The following RALGPS2 variants were observed in gnomAD, a reference collection of about 807,000 sequenced individuals.
RALGPS2 encodes ras-specific guanine nucleotide-releasing factor RalGPS2.
RALGPS2 carries 43 observed loss-of-function variants against 86.8 expected under a neutral mutation model. The ratio of observed to expected loss-of-function variants is 0.50; its 90% CI spans 0.39 to 0.64. The LOEUF is 0.64. RALGPS2 is among the 30% of genes least tolerant of loss of function. The pLI is 0.00. For missense variants in RALGPS2, 536 were observed against 694.6 expected (o/e 0.77, Z 2.57); for synonymous variants, 243 against 231.3 (o/e 1.05, Z -0.46).
chr1:178,736,623 T>C (rs112808106), intron 1 of RALGPS2, among the ~76,000 whole-genome samples: 6,253 of 152,194 alleles, frequency 0.041, 169 homozygotes, highest in African/African-American at 0.071. Flanking sequence ...TAGAGTCAGG[T>C]GCGGTGGCTC....
chr1:178,908,168 A>C (rs1660466681), intron 19 of RALGPS2, among the ~76,000 whole-genome samples: 1 of 152,114 alleles, frequency 6.6e-6, no homozygotes, highest in South Asian at 2.1e-4. Flanking sequence ...CCTCCCACTT[A>C]CAAGTGAGAA....
At chr1:178,763,345 A>G (rs1335164448) in intron 1 of RALGPS2, among the ~76,000 whole-genome samples, 3 of 152,220 alleles carry the variant, frequency 2.0e-5, no homozygotes, top group Non-Finnish European at 4.4e-5. Flanking sequence ...GAGGTTCCAC[A>G]TGAATTTTAA....
chr1:178,906,963 A>G (rs1660410817), intron 19 of RALGPS2, 96 bp downstream of exon 19: 3 of 1,063,662 alleles, frequency 2.8e-6, no homozygotes, highest in Non-Finnish European at 4.2e-6. Flanking sequence ...TGAATTAACT[A>G]GGAGAATGGT....
chr1:178,772,319 A>T (rs1423372996), intron 1 of RALGPS2, among the ~76,000 whole-genome samples: 1 of 152,190 alleles, frequency 6.6e-6, no homozygotes, highest in Non-Finnish European at 1.5e-5. Context: ...CATCTGGCCA[A>T]AATACCTCAT....
intron 8 of RALGPS2, among the ~76,000 whole-genome samples, chr1:178,871,554 A>G (rs530323810): frequency 5.9e-5 from 9 of 152,330 alleles, no homozygotes; most frequent in African/African-American, 2.2e-4. Flanking sequence ...TAAACTTACA[A>G]GAAACTTGAT....
intron 1 of RALGPS2, among the ~76,000 whole-genome samples, chr1:178,738,203 C>CTTTTTTTTTTTTTTTTTTTTTTTTT: frequency 9.0e-6 from 1 of 110,744 alleles, no homozygotes; most frequent in Non-Finnish European, 1.8e-5. Flanking sequence ...AGATGGATAT[C>CTTTTTTTTTTTTTTTTTTTTTTTTT]TTTTTTTTTT....
intron 8 of RALGPS2, among the ~76,000 whole-genome samples, chr1:178,848,438 G>T (rs187671763): frequency 6.6e-6 from 1 of 152,160 alleles, no homozygotes; most frequent in Non-Finnish European, 1.5e-5. Context: ...TGCAAAGTAG[G>T]TAGCTCTTGG....
At chr1:178,907,027 A>T (rs1660413834) in intron 19 of RALGPS2, among the ~76,000 whole-genome samples, 160 bp downstream of exon 19, 1 of 152,248 alleles carries the variant, frequency 6.6e-6, no homozygotes, top group Admixed American at 6.5e-5. Context: ...TCTACATCTT[A>T]GTGAGGAGCT....
chr1:178,835,432 G>T (rs1572381779), intron 8 of RALGPS2, among the ~76,000 whole-genome samples: 6 of 122,620 alleles, frequency 4.9e-5, no homozygotes, highest in African/African-American at 1.6e-4. Context: ...TCGCTCTGTT[G>T]TCCAGGCTAG....
At chr1:178,727,874 G>A (rs889312639) in intron 1 of RALGPS2, among the ~76,000 whole-genome samples, 3 of 152,158 alleles carry the variant, frequency 2.0e-5, no homozygotes, top group Admixed American at 2.0e-4. Context: ...TAAATGATAA[G>A]TGGGCAAATA....
chr1:178,892,294 A>C lies in RALGPS2; in HGVS notation c.1312A>C (p.Met438Leu). ...GGCACGAAATGGCTATCGAAGTCAC[A>C]TGAAGGCCAGCAGGTACAATTCCCC... ...RVARNGYRSH[M>L]KASSSAESED... The change falls in exon 15 of 20, where the codon ATG becomes CTG. Residue 438 changes from methionine (M) to leucine (L), a missense_variant. Around this residue, in one of 3 missense-constraint regions of RALGPS2, gnomAD observed 309 missense variants for 363.0 expected, o/e 0.85. Transcript: ENST00000367635. 6.2e-7 allele frequency: 1 copy of C among 1,612,590 alleles called. No individual in the cohort carries two copies. Among genetic ancestry groups the C allele is most frequent in the Non-Finnish European group, 8.5e-7 (1 of 1,178,988 alleles).
At chr1:178,913,215 G>A (rs1259672356) in intron 19 of RALGPS2, among the ~76,000 whole-genome samples, 1 of 151,766 alleles carries the variant, frequency 6.6e-6, no homozygotes, top group Non-Finnish European at 1.5e-5. Flanking sequence ...CTGGGAGGCA[G>A]AGGTTGCAAT....
At chr1:178,820,685 T>A (rs953110390) in intron 6 of RALGPS2, among the ~76,000 whole-genome samples, 14 of 152,236 alleles carry the variant, frequency 9.2e-5, no homozygotes, top group African/African-American at 3.4e-4. Flanking sequence ...ATAGGTCTTT[T>A]TCATTTTTGT....
chr1:178,916,112 A>G (rs554626675), intron 19 of RALGPS2, among the ~76,000 whole-genome samples: 16 of 152,254 alleles, frequency 1.1e-4, no homozygotes, highest in Non-Finnish European at 1.6e-4. Context: ...TATAGATGTC[A>G]TTTTACTAGA....
At chr1:178,747,391 C>T (rs1651396789) in intron 1 of RALGPS2, 7 of 1,533,288 alleles carry the variant, frequency 4.6e-6, no homozygotes, top group Non-Finnish European at 6.3e-6. Context: ...CTGTATAATA[C>T]GACTTCACAT....
In RALGPS2 at chr1:178,919,343, G is replaced by A. The variant is rs1660910588; in HGVS notation, c.*2984G>A. The stretch of plus-strand genomic sequence containing the variant: ...TTTTTTTCTGTGTGGAAAATGCCAT[G>A]TAACTATTGCACTACCTTCTGTGTG... On this transcript the variant is annotated 3_prime_UTR_variant, in exon 20 of 20. Transcript: ENST00000367635. The A allele has an allele frequency of 6.6e-6, 1 of 151,998 alleles. No individual in the cohort carries two copies. Among genetic ancestry groups the A allele is most frequent in the Non-Finnish European group, 1.5e-5 (1 of 67,918 alleles). 9.4% of individuals were successfully genotyped at this position (151,998 alleles called of 1,614,324 possible). A position where few individuals can be genotyped will look rare whatever the true frequency, so the allele number is the denominator to read the frequency against.
intron 18 of RALGPS2, 43 bp downstream of exon 18, chr1:178,902,254 G>GT: frequency 2.1e-6 from 3 of 1,436,818 alleles, no homozygotes; most frequent in Non-Finnish European, 2.9e-6. Flanking sequence ...CTGCGTATGT[G>GT]TTTGTGTATA....
At chr1:178,738,203 C>CT (rs1051296802) in intron 1 of RALGPS2, among the ~76,000 whole-genome samples, 2,131 of 110,626 alleles carry the variant, frequency 0.019, 40 homozygotes, top group East Asian at 0.065. Context: ...AGATGGATAT[C>CT]TTTTTTTTTT....
At chr1:178,747,734 C>G (rs1651417640) in intron 1 of RALGPS2, 1 of 1,190,630 alleles carries the variant, frequency 8.4e-7, no homozygotes, top group Admixed American at 1.8e-5. Flanking sequence ...CCTTGAACTC[C>G]CACTTGATGG....
Sources: gnomAD v4.1 joint callset for allele counts (sites outside exome capture counted in the v4.1 genomes callset) on GRCh38, gnomAD v4.1.1 for gene constraint, gnomAD v4.1.1 regional missense constraint, MANE v1.5 for transcripts, NCBI Gene and HGNC (gene_info 2026-07-23, HGNC 2026-07-21) for gene names.